Variants in HS6ST1 observed in about 807,000 individuals in gnomAD.
The protein encoded by HS6ST1 is heparan-sulfate 6-O-sulfotransferase 1.
Under a neutral mutation model 25.2 loss-of-function variants are expected in HS6ST1, and 3 were observed. The ratio of observed to expected loss-of-function variants is 0.12; its 90% CI spans 0.05 to 0.31. The LOEUF is 0.31. Among genes scored for constraint, HS6ST1 ranks in the 10% least tolerant of loss-of-function variants. The pLI is 1.00. For synonymous variants in HS6ST1, 204 were observed against 275.1 expected, an observed-to-expected ratio of 0.74 and a Z score of 2.56; for missense variants, 310 against 609.6, an observed-to-expected ratio of 0.51 and a Z score of 5.18.
At chr2:128,270,635 CT>C (rs1398807872) in intron 1 of HS6ST1, among the ~76,000 whole-genome samples, 1 of 152,240 alleles carries the variant, frequency 6.6e-6, no homozygotes, top group Admixed American at 6.5e-5. Flanking sequence ...GCCCTGACTG[CT>C]CAGAAGAGGC....
At chr2:128,302,059 A>T (rs1198190681) in intron 1 of HS6ST1, among the ~76,000 whole-genome samples, 1 of 152,222 alleles carries the variant, frequency 6.6e-6, no homozygotes, top group African/African-American at 2.4e-5. Context: ...CCCTGAAGCC[A>T]GTCCCATCCC....
intron 1 of HS6ST1, among the ~76,000 whole-genome samples, chr2:128,311,550 C>A (rs896214162): frequency 6.6e-6 from 1 of 152,228 alleles, no homozygotes; most frequent in African/African-American, 2.4e-5. Flanking sequence ...TGAGCCCAGT[C>A]CTGCTGCCTC....
At chr2:128,305,075 T>C (rs1449563098) in intron 1 of HS6ST1, among the ~76,000 whole-genome samples, 2 of 152,216 alleles carry the variant, frequency 1.3e-5, no homozygotes, top group Non-Finnish European at 2.9e-5. Context: ...CATTCTGGAT[T>C]CTCCAGCCTT....
chr2:128,265,681 T>C lies in HS6ST1; in HGVS notation c.*2481A>G, dbSNP rs544245699. The C allele has an allele frequency of 4.0e-4, 61 of 152,266 alleles. No homozygotes were observed. The highest frequency in any genetic ancestry group is 1.5e-3 in the African/African-American group (61 of 41,560). 9.4% of individuals were successfully genotyped at this position (152,266 alleles called of 1,614,324 possible). On this transcript the variant is annotated 3_prime_UTR_variant, in exon 2 of 2. Transcript: ENST00000259241. ...CTGGGTTCAAGTTAAACAGTTCCAG[T>C]TCCCGAAAAGTTCACAGCCTTGTTT...
At chr2:128,308,605 A>G (rs1226846840) in intron 1 of HS6ST1, among the ~76,000 whole-genome samples, 5 of 152,190 alleles carry the variant, frequency 3.3e-5, no homozygotes, top group African/African-American at 1.2e-4. Context: ...AGAGGGCCAG[A>G]GCTTTCTGGA....
At position 128,314,160 on chromosome 2, in the gene HS6ST1, A is replaced by G. The variant is rs538302263; in HGVS notation, c.527+3877T>C. Among the ~76,000 whole-genome samples the G allele has an allele frequency of 5.9e-5, 9 of 152,126 alleles. No individual in the cohort carries two copies. The East Asian group carries it at 1.7e-3, about 29-fold the overall frequency. On this transcript the variant is annotated intron_variant, in intron 1 of 1. Transcript: ENST00000259241. ...GATGAGGGTTTCTCCCTTGATCTCA[A>G]AGAAGAAAGCGATTATGAAGGTAAG...
chr2:128,282,899 C>A (rs893294176), intron 1 of HS6ST1, among the ~76,000 whole-genome samples: 2 of 152,186 alleles, frequency 1.3e-5, no homozygotes, highest in Admixed American at 1.3e-4. Flanking sequence ...CTAACACAGG[C>A]GGTGCTGACC....
At chr2:128,316,029 A>G (rs1433316900) in intron 1 of HS6ST1, among the ~76,000 whole-genome samples, 1 of 152,184 alleles carries the variant, frequency 6.6e-6, no homozygotes, top group African/African-American at 2.4e-5. Context: ...CCAGGCTGGC[A>G]GCCCACCTCC....
intron 1 of HS6ST1, among the ~76,000 whole-genome samples, chr2:128,280,331 C>T (rs12614331): frequency 0.19 from 28,274 of 152,274 alleles, 3,555 homozygotes; most frequent in East Asian, 0.62. Flanking sequence ...GCCACAAGGC[C>T]GGGCTGGCTG....
chr2:128,302,453 A>C (rs10445701), intron 1 of HS6ST1, among the ~76,000 whole-genome samples: 1 of 152,022 alleles, frequency 6.6e-6, no homozygotes, highest in Non-Finnish European at 1.5e-5. Context: ...ACTCCCTCCC[A>C]GCCCCAGCCC....
chr2:128,292,445 C>A (rs961521650), intron 1 of HS6ST1, among the ~76,000 whole-genome samples: 3 of 152,234 alleles, frequency 2.0e-5, no homozygotes, highest in Non-Finnish European at 4.4e-5. Context: ...CGGGGCGAGA[C>A]ACGTACTGGA....
chr2:128,271,452 C>A (rs1293377084), intron 1 of HS6ST1, among the ~76,000 whole-genome samples: 1 of 152,178 alleles, frequency 6.6e-6, no homozygotes, highest in Non-Finnish European at 1.5e-5. Flanking sequence ...CTGGCTCCCA[C>A]CTGGGAATGC....
intron 1 of HS6ST1, among the ~76,000 whole-genome samples, chr2:128,271,197 C>T (rs1040182696): frequency 6.6e-5 from 10 of 152,206 alleles, no homozygotes; most frequent in African/African-American, 2.2e-4. Context: ...GGGACAGATC[C>T]CGTCAGAGGC....
intron 1 of HS6ST1, among the ~76,000 whole-genome samples, chr2:128,282,948 C>CATCTGGGGCCTCTGG (rs1693809175): frequency 6.6e-6 from 1 of 152,222 alleles, no homozygotes; most frequent in Non-Finnish European, 1.5e-5. Context: ...GGGGACCAGA[C>CATCTGGGGCCTCTGG]ACCCTGGGGA....
chr2:128,305,555 A>C (rs1193365981), intron 1 of HS6ST1, among the ~76,000 whole-genome samples: 2 of 152,220 alleles, frequency 1.3e-5, no homozygotes, highest in Admixed American at 6.5e-5. Context: ...GGCTGTGGCA[A>C]GGGTTGGAGC....
At chr2:128,278,009 C>G (rs529327814) in intron 1 of HS6ST1, among the ~76,000 whole-genome samples, 2 of 152,384 alleles carry the variant, frequency 1.3e-5, no homozygotes, top group South Asian at 4.1e-4. Context: ...GTGGCCACTT[C>G]TAAAGTCCAG....
intron 1 of HS6ST1, among the ~76,000 whole-genome samples, chr2:128,286,377 G>A (rs544521970): frequency 9.2e-5 from 14 of 152,368 alleles, no homozygotes; most frequent in Non-Finnish European, 1.8e-4. Flanking sequence ...CGCCAGGGAG[G>A]GGTGGGTCAG....
At chr2:128,311,676 T>A (rs940416993) in intron 1 of HS6ST1, among the ~76,000 whole-genome samples, 1 of 151,710 alleles carries the variant, frequency 6.6e-6, no homozygotes, top group Non-Finnish European at 1.5e-5. Flanking sequence ...AGCTGAGGGG[T>A]TGGGGAGACT....
intron 1 of HS6ST1, among the ~76,000 whole-genome samples, chr2:128,288,852 C>G (rs371010942): frequency 1.3e-5 from 2 of 152,026 alleles, no homozygotes; most frequent in African/African-American, 4.8e-5. Context: ...GAGAGCTCAT[C>G]TGAGGATCAC....
Sources: allele counts gnomAD v4.1 joint callset (sites outside exome capture counted in the v4.1 genomes callset), GRCh38; gene constraint gnomAD v4.1.1; transcripts MANE v1.5; gene names NCBI Gene and HGNC (gene_info 2026-07-23, HGNC 2026-07-21).